POLE: variants seen among roughly 807,000 people sequenced by gnomAD.
POLE encodes DNA polymerase epsilon catalytic subunit A.
Under a neutral mutation model 279.2 loss-of-function variants are expected in POLE, and 188 were observed. The ratio of observed to expected loss-of-function variants is 0.67; its 90% CI spans 0.60 to 0.76. The LOEUF is 0.76. Ranked by LOEUF, POLE falls within the 30% of genes least tolerant of loss-of-function variation. The pLI, the probability that POLE is intolerant of heterozygous loss-of-function variation, is 0.00. For missense variants in POLE, 2,703 were observed against 3,016.7 expected (o/e 0.90, Z 2.44); for synonymous variants, 1,214 against 1,172.5 (o/e 1.04, Z -0.72).
chr12:132,667,411 G>T, intron 20 of POLE, 92 bp downstream of exon 20: 2 of 1,350,950 alleles, frequency 1.5e-6, no homozygotes, highest in Non-Finnish European at 2.1e-6. Flanking sequence ...CCTGCTCAGA[G>T]GATCCCAGGC....
intron 43 of POLE, chr12:132,633,070 G>T: frequency 3.4e-6 from 1 of 290,448 alleles, no homozygotes; most frequent in East Asian, 6.4e-5. Context: ...GGTAGCGCGT[G>T]AAAGACAGCT....
chr12:132,677,767 G>A (rs764815908), intron 6 of POLE, 48 bp from the exon 7 acceptor site: 1 of 1,591,614 alleles, frequency 6.3e-7, no homozygotes, highest in Admixed American at 1.7e-5. Context: ...GGGTCTGGAG[G>A]AGGTGAGACC....
chr12:132,672,356 G>C (rs748107298), intron 15 of POLE, 34 bp from the exon 16 acceptor site: 1 of 1,527,178 alleles, frequency 6.5e-7, no homozygotes, highest in Non-Finnish European at 9.1e-7. Context: ...GGTCAGAGGG[G>C]AAACACACCC....
At chr12:132,648,675 C>T (rs2042342809) in intron 32 of POLE, 1 of 402,802 alleles carries the variant, frequency 2.5e-6, no homozygotes, top group Non-Finnish European at 4.5e-6. Flanking sequence ...CTAACCAATG[C>T]CACTTGGTTT....
intron 45 of POLE, among the ~76,000 whole-genome samples, chr12:132,630,177 C>T (rs2041909687): frequency 6.6e-6 from 1 of 152,138 alleles, no homozygotes; most frequent in Non-Finnish European, 1.5e-5. Flanking sequence ...TCTGAAATAT[C>T]CTGAGAGTTA....
chr12:132,672,516 G>A (rs1198143150), intron 15 of POLE, 111 bp downstream of exon 15: 10 of 1,231,972 alleles, frequency 8.1e-6, no homozygotes, highest in South Asian at 3.9e-5. Context: ...CACCCGGTGA[G>A]GGGCCGTGGG....
At chr12:132,679,454 C>G (rs372253411) in intron 6 of POLE, 43 bp downstream of exon 6, 1 of 1,566,396 alleles carries the variant, frequency 6.4e-7, no homozygotes, top group Non-Finnish European at 8.7e-7. Flanking sequence ...TCCATCTTGT[C>G]GTTCTGAACC....
At position 132,675,844 on chromosome 12, in the gene POLE, G is replaced by C. The variant is rs1351013691; in HGVS notation, c.1021-24C>G. On this transcript the variant is annotated intron_variant, in intron 10 of 48. Coordinates refer to ENST00000320574, the MANE Select transcript of POLE (RefSeq NM_006231.4). This position sits in a 1 kb window ranked among gnomAD's most constrained non-coding sequence, Gnocchi z 4.3. ...GCCTGAACCCAAGTCACAGCAGTCA[G>C]AGGTCTGCTCTTTCTCTTCTTCAAG... The C allele has an allele frequency of 1.3e-6, 2 of 1,568,406 alleles. No homozygotes were observed. The highest frequency in any genetic ancestry group is 1.8e-6 in the Non-Finnish European group (2 of 1,138,196).
intron 12 of POLE, 31 bp from the exon 13 acceptor site, chr12:132,673,738 T>C (rs1333893888): frequency 1.2e-6 from 2 of 1,611,324 alleles, no homozygotes; most frequent in Non-Finnish European, 1.7e-6. Context: ...GAAGCCAGGA[T>C]GATTCTAACA....
chr12:132,675,268 G>A lies in POLE; in HGVS notation c.1226+130C>T, dbSNP rs2043018007. 2 of 1,163,124 alleles carry A rather than the reference G, an allele frequency of 1.7e-6. No homozygotes were observed. Among genetic ancestry groups the A allele is most frequent in the Admixed American group, 2.4e-5 (1 of 42,220 alleles). The allele number at this position is 1,163,124 out of a possible 1,614,324, so 72.1% of individuals were successfully genotyped here. A position where few individuals can be genotyped will look rare whatever the true frequency, so the allele number is the denominator to read the frequency against. On this transcript the variant is annotated intron_variant, in intron 12 of 48. Transcript: ENST00000320574. The surrounding 1 kb of genome is among the most constrained non-coding windows in gnomAD (Gnocchi z 4.3). The stretch of plus-strand genomic sequence containing the variant: ...GCAGGGTTGCAGCTGCCATACTCTT[G>A]GGTGACCTGAAACGGCCTCTCGGAG...
chr12:132,632,601 G>T, intron 44 of POLE, 63 bp downstream of exon 44: 1 of 1,610,222 alleles, frequency 6.2e-7, no homozygotes, highest in Non-Finnish European at 8.5e-7. Flanking sequence ...ACCACCCATG[G>T]CACACAGAGG....
At position 132,638,799 on chromosome 12, in the gene POLE, T is replaced by C. The variant is rs557458743; in HGVS notation, c.5552+326A>G. Reference sequence around the variant, plus strand: ...TGGAGAGAGGCTAAATGTTCTTTCATATGGCATGTCCTCACACAGATCTCC... The same window carrying C: ...TGGAGAGAGGCTAAATGTTCTTTCACATGGCATGTCCTCACACAGATCTCC... On this transcript the variant is annotated intron_variant, in intron 40 of 48. Coordinates refer to ENST00000320574, the MANE Select transcript of POLE (RefSeq NM_006231.4). 3.8e-5 allele frequency: 11 copies of C among 292,854 alleles called. No individual in the cohort carries two copies. In the South Asian group the frequency reaches 5.8e-4, roughly 15 times the overall value. The allele number at this position is 292,854 out of a possible 1,614,324, so 18.1% of individuals were successfully genotyped here.
Position 132,672,696 on chromosome 12 carries a change from G to T in POLE, c.1617C>A (p.Tyr539Ter), listed in dbSNP as rs775930793. The stretch of plus-strand genomic sequence containing the variant: ...CGAGGGCCTCCACGTGGCCCCCGAC[G>T]TAGGTCTCAGAGTCCAGCACGTGTC... ...DDGHVLDSET[Y>*]VGGHVEALES... Residue 539 changes from tyrosine to a stop codon, truncating the protein, a stop_gained, in exon 15 of 49, where the codon TAC becomes TAA. Coordinates refer to ENST00000320574, the MANE Select transcript of POLE (RefSeq NM_006231.4). LOFTEE classifies it high-confidence loss of function. 3 of 1,614,146 alleles carry T rather than the reference G, an allele frequency of 1.9e-6. No homozygotes were observed. The highest frequency in any genetic ancestry group is 1.1e-5 in the South Asian group (1 of 91,082).
rs768023673 is a variant in POLE, at chr12:132,649,863, G to T, written c.3609C>A (p.Asp1203Glu). The change falls in exon 30 of 49, where the codon GAC becomes GAA. Residue 1203 changes from aspartate to glutamate, a missense_variant. This residue lies in a region of POLE where 1,551 missense variants were observed against 1,686.1 expected (regional missense o/e 0.92). Coordinates refer to ENST00000320574, the MANE Select transcript of POLE (RefSeq NM_006231.4). ...TGTCAGGAGCACTTGGCCTCGGACT[G>T]TCTTCTGAGGCCTCGGCCATCGTGA... ...RQVTMAEASE[D>E]SPRPSAPDME... 2 of 1,613,924 alleles carry T rather than the reference G, an allele frequency of 1.2e-6. No individual in the cohort carries two copies. Among genetic ancestry groups the T allele is most frequent in the African/African-American group, 2.7e-5 (2 of 74,936 alleles).
rs1196946399 is a variant in POLE at position 132,687,294 on chromosome 12, G to A, written c.22C>T (p.Arg8Trp). MSLRSGG[R>W]RRADPGADGE... ...TCCGCGCCTGGGTCCGCGCGCCGCC[G>A]CCCGCCGCTCCTCAGAGACATGGAG... The change falls in exon 1 of 49, where the codon CGG becomes TGG. Residue 8 changes from arginine to tryptophan, a missense_variant. Coordinates refer to ENST00000320574, the MANE Select transcript of POLE (RefSeq NM_006231.4). 2.7e-6 allele frequency: 4 copies of A among 1,502,080 alleles called. No homozygotes were observed. Among genetic ancestry groups the A allele is most frequent in the Non-Finnish European group, 2.7e-6 (3 of 1,127,264 alleles). The allele number at this position is 1,502,080 out of a possible 1,614,324, so 93.0% of individuals were successfully genotyped here.
In POLE at chr12:132,668,877, A is replaced by G. The variant is rs764794242; in HGVS notation, c.1857T>C (p.Cys619=). 1 of 1,614,112 alleles carries G rather than the reference A, an allele frequency of 6.2e-7. No homozygotes were observed. Among genetic ancestry groups the G allele is most frequent in the South Asian group, 1.1e-5 (1 of 91,078 alleles). ...CCACGTCCAGGTGGTAGATGAGTGGACACTCGATGCGGCTGGGAACGTCCT... is the reference window on the plus strand; with the variant it reads ...CCACGTCCAGGTGGTAGATGAGTGGGCACTCGATGCGGCTGGGAACGTCCT... The part of the protein sequence containing the change: ...SLKDVPSRIE[C]PLIYHLDVGA... The change falls in exon 17 of 49, where the codon TGT becomes TGC. Residue 619 remains cysteine, a synonymous_variant. Transcript: ENST00000320574. The surrounding 1 kb of genome is among the most constrained non-coding windows in gnomAD (Gnocchi z 4.0).
chr12:132,657,091 G>A lies in POLE; in HGVS notation c.3582+45C>T, dbSNP rs755833232. The A allele has an allele frequency of 1.4e-5, 23 of 1,604,928 alleles. No individual in the cohort carries two copies. In the Middle Eastern group the frequency reaches 5.1e-4, roughly 35 times the overall value. On this transcript the variant is annotated intron_variant, in intron 29 of 48. Transcript: ENST00000320574. ...GCGCAAGAAGCCTGGAGTCCTGTGT[G>A]TCACAAGGATCCCGCCCAGCCCAGC...
chr12:132,676,024 G>A (rs1314321166), intron 10 of POLE, 70 bp downstream of exon 10: 6 of 1,072,762 alleles, frequency 5.6e-6, no homozygotes, highest in Non-Finnish European at 8.4e-6. Flanking sequence ...GAATGCCTGA[G>A]GCCTTGGAAA....
intron 6 of POLE, 72 bp from the exon 7 acceptor site, chr12:132,677,791 A>G (rs968064098): frequency 8.3e-6 from 12 of 1,452,160 alleles, no homozygotes; most frequent in Middle Eastern, 2.3e-4. Context: ...GTTCCAACTC[A>G]GTAGGAAGAG....
Sources: gnomAD v4.1 joint callset for allele counts (sites outside exome capture counted in the v4.1 genomes callset) on GRCh38, gnomAD v4.1.1 for gene constraint, gnomAD v4.1.1 regional missense constraint, Gnocchi (gnomAD v3.1) non-coding constraint, MANE v1.5 for transcripts, NCBI Gene and HGNC (gene_info 2026-07-23, HGNC 2026-07-21) for gene names.